Variants in CHD6 observed in about 807,000 individuals in gnomAD.
CHD6 encodes chromodomain helicase DNA binding protein 6.
Under a neutral mutation model 276.9 loss-of-function variants are expected in CHD6, and 50 were observed. The ratio of observed to expected loss-of-function variants is 0.18; its 90% CI spans 0.14 to 0.23. The LOEUF (loss-of-function observed/expected upper bound fraction) is 0.23. CHD6 is among the 10% of genes least tolerant of loss of function. The pLI, the probability that CHD6 is intolerant of heterozygous loss-of-function variation, is 1.00. For synonymous variants in CHD6, 1,173 were observed against 1,229.3 expected, an observed-to-expected ratio of 0.95 and a Z score of 0.96; for missense variants, 2,564 against 3,365.8, an observed-to-expected ratio of 0.76 and a Z score of 5.89.
intron 3 of CHD6, among the ~76,000 whole-genome samples, chr20:41,517,641 A>C (rs1199776653): frequency 1.3e-5 from 2 of 152,240 alleles, no homozygotes; most frequent in Non-Finnish European, 2.9e-5. Context: ...ATGAGTCTTT[A>C]TCTCATGTTA....
chr20:41,588,019 G>T (rs903167734), intron 1 of CHD6, among the ~76,000 whole-genome samples: 1 of 152,148 alleles, frequency 6.6e-6, no homozygotes, highest in South Asian at 2.1e-4. Flanking sequence ...TAGTGTATAA[G>T]CAAGCAGAAG....
intron 1 of CHD6, chr20:41,564,211 A>C: frequency 1.6e-6 from 1 of 618,014 alleles, no homozygotes; most frequent in South Asian, 2.0e-5. Flanking sequence ...AAAATAGCTT[A>C]AACATGTTTT....
At chr20:41,474,260 CAG>C (rs1438560906) in intron 16 of CHD6, among the ~76,000 whole-genome samples, 11 of 152,144 alleles carry the variant, frequency 7.2e-5, no homozygotes, top group Non-Finnish European at 1.2e-4. Flanking sequence ...AATCAAGAAA[CAG>C]GGGTGGAGTG....
intron 17 of CHD6, among the ~76,000 whole-genome samples, chr20:41,469,684 T>G (rs948364119): frequency 6.6e-6 from 1 of 152,220 alleles, no homozygotes; most frequent in African/African-American, 2.4e-5. Context: ...AAAGGCAAAC[T>G]GATAACCTTC....
At chr20:41,504,104 A>AAAAAAAAAAAAAAAT in intron 5 of CHD6, among the ~76,000 whole-genome samples, 1 of 148,740 alleles carries the variant, frequency 6.7e-6, no homozygotes, top group East Asian at 1.9e-4. Flanking sequence ...AAAAAAAAAA[A>AAAAAAAAAAAAAAAT]GAAATACATT....
chr20:41,513,796 C>T (rs2145969634), intron 4 of CHD6, among the ~76,000 whole-genome samples: 1 of 152,302 alleles, frequency 6.6e-6, no homozygotes, highest in African/African-American at 2.4e-5. Flanking sequence ...CAAAATCCCA[C>T]CTCTCTTTTC....
At chr20:41,443,846 C>A (rs1389341941) in intron 25 of CHD6, among the ~76,000 whole-genome samples, 2 of 152,186 alleles carry the variant, frequency 1.3e-5, no homozygotes, top group Non-Finnish European at 2.9e-5. Flanking sequence ...TCAGTTCTGG[C>A]TTTAAATGAC....
intron 30 of CHD6, among the ~76,000 whole-genome samples, chr20:41,423,102 C>T (rs2294575): frequency 0.34 from 51,517 of 152,028 alleles, 9,116 homozygotes; most frequent in African/African-American, 0.44. Flanking sequence ...TACAAGTCGA[C>T]ATGTGAGGAA....
intron 1 of CHD6, among the ~76,000 whole-genome samples, chr20:41,609,711 C>T (rs1195474338): frequency 6.6e-6 from 1 of 152,172 alleles, no homozygotes; most frequent in Non-Finnish European, 1.5e-5. Flanking sequence ...AAATGACTAA[C>T]AATTTCCTGC....
intron 5 of CHD6, among the ~76,000 whole-genome samples, chr20:41,502,861 C>T (rs534274786): frequency 2.6e-5 from 4 of 152,244 alleles, no homozygotes; most frequent in Admixed American, 2.6e-4. Context: ...CAAAAATTAG[C>T]GTGGCGTGGT....
intron 27 of CHD6, among the ~76,000 whole-genome samples, chr20:41,427,339 C>T (rs780673672): frequency 6.6e-6 from 1 of 152,098 alleles, no homozygotes; most frequent in South Asian, 2.1e-4. Context: ...TTACGCAGAA[C>T]AGCGTTAACA....
intron 1 of CHD6, among the ~76,000 whole-genome samples, chr20:41,608,947 A>T (rs748468341): frequency 3.9e-5 from 6 of 152,220 alleles, no homozygotes; most frequent in Non-Finnish European, 7.3e-5. Flanking sequence ...AAATGGACAG[A>T]GTGTGGTTAT....
intron 1 of CHD6, among the ~76,000 whole-genome samples, chr20:41,559,480 T>C (rs1440304681): frequency 6.6e-6 from 1 of 152,232 alleles, no homozygotes; most frequent in African/African-American, 2.4e-5. Context: ...TGGGCATTTT[T>C]AGGCTTTGAG....
At chr20:41,530,382 G>A (rs749512975) in intron 3 of CHD6, among the ~76,000 whole-genome samples, 4 of 152,162 alleles carry the variant, frequency 2.6e-5, no homozygotes, top group Non-Finnish European at 4.4e-5. Context: ...CCAGAAGCCC[G>A]TAAATCAGTT....
chr20:41,482,554 T>A (rs1245059601), intron 16 of CHD6: 1 of 513,644 alleles, frequency 1.9e-6, no homozygotes, highest in African/African-American at 1.9e-5. Context: ...TCTTTAGACT[T>A]AGCAATGCCT....
chr20:41,404,799 C>T lies in CHD6; in HGVS notation c.7942G>A (p.Val2648Ile). 5 of 1,613,212 alleles carry T rather than the reference C, an allele frequency of 3.1e-6. No individual in the cohort carries two copies. The South Asian group carries it at 3.3e-5, about 11-fold the overall frequency. The change falls in exon 37 of 37, where the codon GTA becomes ATA. Residue 2648 changes from valine to isoleucine, a missense_variant. Val to Ile is a conservative substitution (Grantham distance 29). Around this residue, in one of 7 missense-constraint regions of CHD6, gnomAD observed 238 missense variants for 266.0 expected, o/e 0.89. Transcript: ENST00000373233. ...TTCCTCTTCTGGCTCTCCAGACCTA[C>T]TATTTCCGAGTGTCTGGCCTGCTGC... ...AMQQARHSEI[V>I]GLESQKRKKK...
At chr20:41,512,207 T>C (rs573345331) in intron 5 of CHD6, among the ~76,000 whole-genome samples, 6 of 152,034 alleles carry the variant, frequency 3.9e-5, no homozygotes, top group African/African-American at 1.4e-4. Context: ...TCAAGTGATC[T>C]GCCTGCCTCG....
chr20:41,410,215 G>A (rs1354501974), intron 36 of CHD6, among the ~76,000 whole-genome samples: 4 of 152,090 alleles, frequency 2.6e-5, no homozygotes, highest in South Asian at 2.1e-4. Context: ...AATAGGATGC[G>A]GGGGGTTTAG....
intron 16 of CHD6, among the ~76,000 whole-genome samples, chr20:41,480,294 T>A (rs2043265275): frequency 1.3e-5 from 2 of 152,034 alleles, no homozygotes. Flanking sequence ...CCCCAGAAGG[T>A]ATGGCCTAGA....
Sources: allele counts gnomAD v4.1 joint callset (sites outside exome capture counted in the v4.1 genomes callset), GRCh38; gene constraint gnomAD v4.1.1; regional missense constraint gnomAD v4.1.1; transcripts MANE v1.5; gene names NCBI Gene and HGNC (gene_info 2026-07-23, HGNC 2026-07-21).